The following MYOF variants were observed in gnomAD, a reference collection of about 807,000 sequenced individuals.
MYOF encodes the protein myoferlin.
A neutral mutation model predicts 284.2 loss-of-function variants in MYOF; 244 were observed. That is an observed-to-expected ratio of 0.86 (90% CI 0.77 to 0.95). The LOEUF (loss-of-function observed/expected upper bound fraction) is 0.95, where lower values mean the gene tolerates loss of function less well. Ranked by LOEUF, MYOF falls within the 40% of genes least tolerant of loss-of-function variation. MYOF has a pLI of 0.00. For missense variants in MYOF, 2,496 were observed against 2,560.6 expected, an observed-to-expected ratio of 0.97 and a Z score of 0.54; for synonymous variants, 904 against 919.7, an observed-to-expected ratio of 0.98 and a Z score of 0.31.
chr10:93,381,436 A>G (rs760644854), intron 19 of MYOF, 40 bp from the exon 20 acceptor site: 8 of 1,593,510 alleles, frequency 5.0e-6, no homozygotes, highest in African/African-American at 2.7e-5. Flanking sequence ...GTGAAAGGCC[A>G]TTTGTTCTTA....
At chr10:93,361,705 T>C (rs1845082701) in intron 27 of MYOF, 148 bp from the exon 28 acceptor site, 2 of 679,936 alleles carry the variant, frequency 2.9e-6, no homozygotes, top group South Asian at 2.2e-5. Flanking sequence ...CAGAAAAATC[T>C]CTAATCTTTA....
intron 1 of MYOF, among the ~76,000 whole-genome samples, chr10:93,476,245 C>CTTTT (rs67108011): frequency 4.3e-4 from 28 of 64,994 alleles, no homozygotes; most frequent in Non-Finnish European, 6.3e-4. Context: ...CTTCCCCATT[C>CTTTT]TTTTTTTTTT....
chr10:93,458,468 G>A (rs2056796348), intron 1 of MYOF, among the ~76,000 whole-genome samples: 1 of 152,148 alleles, frequency 6.6e-6, no homozygotes, highest in Non-Finnish European at 1.5e-5. Context: ...GGGTGCGGTG[G>A]CTGACACCTG....
Position 93,369,732 on chromosome 10 carries a change from C to T in MYOF, c.2502G>A (p.Leu834=). The change falls in exon 25 of 54, where the codon TTG becomes TTA. Residue 834 remains leucine (L), a synonymous_variant. Transcript: ENST00000359263. Reference sequence around the variant, plus strand: ...TTAAGCCTAGCCAGATGTTCACTCGCAACTCCACAGGCACCTTTGGCCCGT... The same window carrying T: ...TTAAGCCTAGCCAGATGTTCACTCGTAACTCCACAGGCACCTTTGGCCCGT... The part of the protein sequence containing the change: ...KNNGPKVPVE[L]RVNIWLGLSA... 6.2e-7 allele frequency: 1 copy of T among 1,614,216 alleles called. No homozygotes were observed. Among genetic ancestry groups the T allele is most frequent in the Non-Finnish European group, 8.5e-7 (1 of 1,180,032 alleles).
At chr10:93,369,834 T>C (rs1220286590) in intron 24 of MYOF, 58 bp from the exon 25 acceptor site, 1 of 1,598,306 alleles carries the variant, frequency 6.3e-7, no homozygotes, top group African/African-American at 1.3e-5. Flanking sequence ...ACTGTGACAT[T>C]AAGTTAAAGC....
At chr10:93,308,863 C>T (rs1842253714) in intron 53 of MYOF, among the ~76,000 whole-genome samples, 1 of 152,000 alleles carries the variant, frequency 6.6e-6, no homozygotes, top group African/African-American at 2.4e-5. Flanking sequence ...AGGCATGTGC[C>T]ACCACACCCA....
At chr10:93,333,613 C>T in intron 42 of MYOF, 145 bp downstream of exon 42, 1 of 1,137,276 alleles carries the variant, frequency 8.8e-7, no homozygotes, top group South Asian at 1.6e-5. Flanking sequence ...CCCATGGGGA[C>T]AATCCTCCTG....
intron 26 of MYOF, 72 bp from the exon 27 acceptor site, chr10:93,364,147 C>T: frequency 7.8e-7 from 1 of 1,276,786 alleles, no homozygotes; most frequent in Non-Finnish European, 1.1e-6. Context: ...TGCCAACACT[C>T]AGGAAGCATC....
At chr10:93,466,039 C>G (rs2057002977) in intron 1 of MYOF, among the ~76,000 whole-genome samples, 1 of 152,114 alleles carries the variant, frequency 6.6e-6, no homozygotes, top group African/African-American at 2.4e-5. Flanking sequence ...TGGCAGGCAG[C>G]CTGGCAGCCT....
chr10:93,315,702 C>A (rs1400123731), intron 50 of MYOF, among the ~76,000 whole-genome samples: 1 of 152,044 alleles, frequency 6.6e-6, no homozygotes, highest in East Asian at 1.9e-4. Context: ...GGTTTAGGAG[C>A]CATACTTTGT....
intron 24 of MYOF, among the ~76,000 whole-genome samples, chr10:93,371,897 A>G (rs1465390580): frequency 6.6e-6 from 1 of 152,224 alleles, no homozygotes; most frequent in Non-Finnish European, 1.5e-5. Flanking sequence ...AACACAGAGA[A>G]GGTGCCTTTG....
chr10:93,397,236 T>TTTCAACTCACCAGTCATATA lies in MYOF; in HGVS notation c.1325_1334+10dup. On this transcript the variant is annotated intron_variant, in intron 15 of 53. Transcript: ENST00000359263. ...TATGTTGAATTAGACACATACGTAT[T>TTTCAACTCACCAGTCATATA]TTCAACTCACCAGTCATATATTGTT... is the stretch of plus-strand genomic sequence containing the variant. 1 of 1,566,282 alleles carries TTTCAACTCACCAGTCATATA rather than the reference T, an allele frequency of 6.4e-7. No individual in the cohort carries two copies. The highest frequency in any genetic ancestry group is 8.8e-7 in the Non-Finnish European group (1 of 1,141,700).
intron 29 of MYOF, among the ~76,000 whole-genome samples, chr10:93,357,588 C>A (rs930273007): frequency 6.6e-6 from 1 of 152,118 alleles, no homozygotes; most frequent in Non-Finnish European, 1.5e-5. Context: ...ATTTAATAAA[C>A]GTAAAACAAT....
chr10:93,402,520 C>A (rs1452528121), intron 10 of MYOF, among the ~76,000 whole-genome samples, 173 bp from the exon 11 acceptor site: 2 of 152,070 alleles, frequency 1.3e-5, no homozygotes, highest in Non-Finnish European at 2.9e-5. Flanking sequence ...TCCCTACACC[C>A]CACCCCCACC....
At chr10:93,371,632 A>C (rs1474401014) in intron 24 of MYOF, among the ~76,000 whole-genome samples, 2 of 152,218 alleles carry the variant, frequency 1.3e-5, no homozygotes, top group Non-Finnish European at 2.9e-5. Context: ...TGTTACAGTT[A>C]AATCAATAAA....
intron 1 of MYOF, among the ~76,000 whole-genome samples, chr10:93,467,332 A>C (rs1476405977): frequency 8.2e-6 from 1 of 121,560 alleles, no homozygotes; most frequent in African/African-American, 3.1e-5. Context: ...CGACCCCACA[A>C]CAGTCGCCAG....
chr10:93,383,859 G>A (rs1017185498), intron 19 of MYOF, among the ~76,000 whole-genome samples: 13 of 152,152 alleles, frequency 8.5e-5, no homozygotes, highest in African/African-American at 3.1e-4. Context: ...GAGGTGGGGT[G>A]GGAACTACGG....
At chr10:93,367,770 T>C (rs1845392465) in intron 25 of MYOF, among the ~76,000 whole-genome samples, 1 of 150,830 alleles carries the variant, frequency 6.6e-6, no homozygotes, top group Non-Finnish European at 1.5e-5. Flanking sequence ...AAAGTATTCA[T>C]GAGCAAGCAC....
chr10:93,339,632 G>C (rs1006033267), intron 39 of MYOF, among the ~76,000 whole-genome samples: 2 of 151,906 alleles, frequency 1.3e-5, no homozygotes. Context: ...ACCACGCCTG[G>C]TGAATGTTTG....
Sources: allele counts gnomAD v4.1 joint callset (sites outside exome capture counted in the v4.1 genomes callset), GRCh38; gene constraint gnomAD v4.1.1; transcripts MANE v1.5; gene names NCBI Gene and HGNC (gene_info 2026-07-23, HGNC 2026-07-21).